Variants in ZDHHC7 observed in about 807,000 individuals in gnomAD.
The protein encoded by ZDHHC7 is palmitoyltransferase ZDHHC7.
In ZDHHC7, 12 loss-of-function variants were observed where a neutral mutation model predicts 34.1. That is an observed-to-expected ratio of 0.35 (90% CI 0.23 to 0.57). ZDHHC7 has a LOEUF of 0.57. Ranked by LOEUF, ZDHHC7 falls within the 20% of genes least tolerant of loss-of-function variation. The pLI is 0.84. For synonymous variants in ZDHHC7, 185 were observed against 155.4 expected (o/e 1.19, Z -1.42); for missense variants, 388 against 402.7 (o/e 0.96, Z 0.31).
At chr16:85,007,127 C>T (rs9926901) in intron 1 of ZDHHC7, among the ~76,000 whole-genome samples, 26,022 of 151,774 alleles carry the variant, frequency 0.17, 3,175 homozygotes, top group East Asian at 0.33. Context: ...AAAAGTTTTT[C>T]AAGAATGGAA....
intron 1 of ZDHHC7, among the ~76,000 whole-genome samples, chr16:85,005,778 T>A (rs1197355826): frequency 2.0e-5 from 3 of 152,224 alleles, no homozygotes; most frequent in Non-Finnish European, 4.4e-5. Context: ...ACGGCAGTGT[T>A]TCCCGGTGAA....
chr16:84,997,347 CA>C (rs2072592822), intron 1 of ZDHHC7, among the ~76,000 whole-genome samples: 1 of 145,198 alleles, frequency 6.9e-6, no homozygotes, highest in East Asian at 2.2e-4. Context: ...CGGCTCACTG[CA>C]AACTCCACCT....
At chr16:84,976,616 C>A in intron 7 of ZDHHC7, 97 bp from the exon 8 acceptor site, 1 of 1,472,790 alleles carries the variant, frequency 6.8e-7, no homozygotes, top group Non-Finnish European at 9.2e-7. Flanking sequence ...ACAGTGTGGG[C>A]TCGATGGAGG....
chr16:84,992,155 CA>C (rs201200619), intron 2 of ZDHHC7, among the ~76,000 whole-genome samples: 149 of 133,632 alleles, frequency 1.1e-3, no homozygotes, highest in African/African-American at 3.4e-3. Flanking sequence ...GACTCAGTCT[CA>C]AAAAAAAAAA....
At chr16:85,002,884 T>C (rs1258678032) in intron 1 of ZDHHC7, among the ~76,000 whole-genome samples, 1 of 151,328 alleles carries the variant, frequency 6.6e-6, no homozygotes, top group Non-Finnish European at 1.5e-5. Context: ...GGAGGGCCTA[T>C]GGAGACCGCA....
At chr16:85,012,296 G>A (rs1229625581), upstream of ZDHHC7, among the ~76,000 whole-genome samples, 1 of 148,570 alleles carries the variant, frequency 6.7e-6, no homozygotes, top group Non-Finnish European at 1.5e-5. Flanking sequence ...TGAGGCAGGA[G>A]AATCATGAAC....
chr16:85,001,101 G>A (rs1390353061), intron 1 of ZDHHC7, among the ~76,000 whole-genome samples: 4 of 152,096 alleles, frequency 2.6e-5, no homozygotes, highest in Admixed American at 6.5e-5. Context: ...TGAATGCCAC[G>A]CTAAGAAACC....
At chr16:85,020,274 C>T in the ZDHHC7 span, among the ~76,000 whole-genome samples, 3 of 152,308 alleles carry the variant, frequency 2.0e-5, no homozygotes, top group African/African-American at 7.2e-5. Flanking sequence ...CTACCTTCTC[C>T]CTGCGATCCT....
At chr16:84,976,649 C>T (rs940119195) in intron 7 of ZDHHC7, 130 bp from the exon 8 acceptor site, 3 of 1,283,782 alleles carry the variant, frequency 2.3e-6, no homozygotes, top group Middle Eastern at 2.6e-4. Flanking sequence ...ACTCTCCTTC[C>T]CAGCTCTGCC....
rs2072269122 is a variant in ZDHHC7 at position 84,974,492 on chromosome 16, T to C, written c.*1851A>G. The C allele has an allele frequency of 1.3e-5, 2 of 152,416 alleles. No individual in the cohort carries two copies. The highest frequency in any genetic ancestry group is 4.8e-5 in the African/African-American group (2 of 41,450). The allele number at this position is 152,416 out of a possible 1,614,324, so 9.4% of individuals were successfully genotyped here. ...ACTGTTAATTGATTACTTTATTTCA[T>C]ATAAAAGTTACATTGAAAGAAGAGG... On this transcript the variant is annotated 3_prime_UTR_variant, in exon 8 of 8. Transcript: ENST00000313732.
chr16:85,003,329 A>G (rs1419997753), intron 1 of ZDHHC7, among the ~76,000 whole-genome samples: 9 of 152,176 alleles, frequency 5.9e-5, no homozygotes, highest in Non-Finnish European at 4.4e-5. Context: ...CAGGTATGCC[A>G]CCAGCCCGGA....
intron 4 of ZDHHC7, among the ~76,000 whole-genome samples, chr16:84,981,320 G>A (rs1195862178): frequency 6.6e-6 from 1 of 152,254 alleles, no homozygotes; most frequent in East Asian, 1.9e-4. Flanking sequence ...TGGTGTTTGA[G>A]AGCACGCCCA....
chr16:85,013,658 TTC>T (rs981778833), upstream of ZDHHC7, among the ~76,000 whole-genome samples: 4 of 152,234 alleles, frequency 2.6e-5, no homozygotes, highest in South Asian at 2.1e-4. Context: ...GTTAATAAAC[TTC>T]TGTTTTTCTC....
intron 2 of ZDHHC7, 141 bp from the exon 3 acceptor site, chr16:84,990,776 C>G (rs2072499753): frequency 1.4e-6 from 1 of 703,142 alleles, no homozygotes. Context: ...AAAAACATAA[C>G]TAAGATCTGA....
chr16:84,993,650 A>T (rs1199366007), intron 2 of ZDHHC7, among the ~76,000 whole-genome samples: 2 of 152,150 alleles, frequency 1.3e-5, no homozygotes, highest in Non-Finnish European at 2.9e-5. Context: ...AATGTCAAAA[A>T]AATTGTTTTA....
chr16:84,996,939 C>G (rs1292554483), intron 1 of ZDHHC7, among the ~76,000 whole-genome samples: 1 of 151,564 alleles, frequency 6.6e-6, no homozygotes, highest in Non-Finnish European at 1.5e-5. Flanking sequence ...TGGCAGAGAA[C>G]TGCTTGAACC....
intron 1 of ZDHHC7, among the ~76,000 whole-genome samples, chr16:85,000,934 G>A (rs1344607442): frequency 6.6e-6 from 1 of 152,216 alleles, no homozygotes; most frequent in Admixed American, 6.5e-5. Flanking sequence ...CAGAGAAAGT[G>A]TCAATAAAGA....
the ZDHHC7 span, among the ~76,000 whole-genome samples, chr16:85,023,168 CTTTTTTTTTTTTT>C: frequency 1.4e-5 from 2 of 138,902 alleles, no homozygotes; most frequent in East Asian, 4.1e-4. Flanking sequence ...TCTTTCTTTT[CTTTTTTTTTTTTT>C]TTTGAGACGA....
chr16:84,977,835 T>G, intron 6 of ZDHHC7, 89 bp downstream of exon 6: 2 of 1,057,870 alleles, frequency 1.9e-6, no homozygotes, highest in Non-Finnish European at 2.8e-6. Context: ...TCCTTCAAAA[T>G]TGGAAAACTG....
Sources: gnomAD v4.1 joint callset for allele counts (sites outside exome capture counted in the v4.1 genomes callset) on GRCh38, gnomAD v4.1.1 for gene constraint, MANE v1.5 for transcripts, NCBI Gene and HGNC (gene_info 2026-07-23, HGNC 2026-07-21) for gene names.